Variants in NAALADL2 observed in about 807,000 individuals in gnomAD.
NAALADL2 encodes N-acetylated alpha-linked acidic dipeptidase like 2, also known as inactive N-acetylated-alpha-linked acidic dipeptidase-like protein 2.
A neutral mutation model predicts 87.2 loss-of-function variants in NAALADL2; 76 were observed. That is an observed-to-expected ratio of 0.87 (90% CI 0.72 to 1.05). NAALADL2 has a LOEUF of 1.05. NAALADL2 is among the 50% of genes least tolerant of loss of function. The pLI is 0.00. For synonymous variants in NAALADL2, 354 were observed against 331.0 expected (o/e 1.07, Z -0.75); for missense variants, 1,089 against 945.8 (o/e 1.15, Z -1.99).
chr3:175,777,384 C>CCTATGA (rs1415893955), intron 13 of NAALADL2, among the ~76,000 whole-genome samples: 5 of 151,874 alleles, frequency 3.3e-5, no homozygotes, highest in Non-Finnish European at 7.4e-5. Flanking sequence ...AATAATAGTA[C>CCTATGA]CTATGACATT....
chr3:175,431,795 T>G (rs936173175), intron 5 of NAALADL2, among the ~76,000 whole-genome samples: 1 of 152,082 alleles, frequency 6.6e-6, no homozygotes, highest in Non-Finnish European at 1.5e-5. Context: ...TTCTGACTCT[T>G]CTTTCCCTTC....
chr3:174,506,320 A>G (rs1338390490), intron 1 of NAALADL2, among the ~76,000 whole-genome samples: 8 of 151,638 alleles, frequency 5.3e-5, no homozygotes, highest in Admixed American at 5.3e-4. Flanking sequence ...AGCTGGGATT[A>G]CAGGCACCCA....
At chr3:174,933,817 A>C (rs568508981) in intron 1 of NAALADL2, among the ~76,000 whole-genome samples, 25 of 152,318 alleles carry the variant, frequency 1.6e-4, no homozygotes, top group African/African-American at 5.3e-4. Flanking sequence ...ATTGAGAGAT[A>C]TGGTCCCATT....
At chr3:174,585,545 T>C (rs1019823572) in intron 2 of NAALADL2, among the ~76,000 whole-genome samples, 1 of 152,208 alleles carries the variant, frequency 6.6e-6, no homozygotes, top group Non-Finnish European at 1.5e-5. Flanking sequence ...CATCCAAAGA[T>C]GTGGAGCTGT....
At chr3:175,793,597 G>A (rs1290585316) in intron 13 of NAALADL2, among the ~76,000 whole-genome samples, 1 of 151,912 alleles carries the variant, frequency 6.6e-6, no homozygotes, top group Admixed American at 6.5e-5. Flanking sequence ...TTACAGGCGT[G>A]AGCCACTGCA....
intron 5 of NAALADL2, among the ~76,000 whole-genome samples, chr3:175,422,618 A>C (rs2149126627): frequency 6.6e-6 from 1 of 152,220 alleles, no homozygotes; most frequent in South Asian, 2.1e-4. Context: ...TAAGCATTAA[A>C]CCAGAACGTG....
intron 11 of NAALADL2, among the ~76,000 whole-genome samples, chr3:175,692,149 A>G (rs1317311313): frequency 6.6e-6 from 1 of 152,102 alleles, no homozygotes; most frequent in Non-Finnish European, 1.5e-5. Context: ...CCTTCTGGTT[A>G]CATTTCTATG....
At chr3:175,317,595 A>C (rs1366359991) in intron 4 of NAALADL2, among the ~76,000 whole-genome samples, 4 of 152,030 alleles carry the variant, frequency 2.6e-5, no homozygotes, top group African/African-American at 9.7e-5. Context: ...CCAGTGTTTT[A>C]CTTTCAAAAA....
chr3:174,941,534 C>T (rs966604433), intron 1 of NAALADL2, among the ~76,000 whole-genome samples: 7 of 151,942 alleles, frequency 4.6e-5, no homozygotes, highest in African/African-American at 1.2e-4. Flanking sequence ...ATAGTGAGTT[C>T]GGGTCCTGAA....
At chr3:175,005,709 A>G (rs1304624571) in intron 1 of NAALADL2, among the ~76,000 whole-genome samples, 2 of 152,222 alleles carry the variant, frequency 1.3e-5, no homozygotes, top group Non-Finnish European at 2.9e-5. Context: ...TTAAACATCC[A>G]TCTGAGACAA....
At chr3:175,017,534 T>C (rs935952455) in intron 1 of NAALADL2, among the ~76,000 whole-genome samples, 39 of 152,074 alleles carry the variant, frequency 2.6e-4, no homozygotes, top group Non-Finnish European at 8.8e-5. Flanking sequence ...ATTGTCAGTG[T>C]GCCCTGGTTG....
chr3:174,681,797 C>T (rs1277143100), intron 2 of NAALADL2, among the ~76,000 whole-genome samples: 1 of 152,144 alleles, frequency 6.6e-6, no homozygotes, highest in Non-Finnish European at 1.5e-5. Context: ...AGCTTAGATA[C>T]CAGCTTGGCC....
intron 5 of NAALADL2, among the ~76,000 whole-genome samples, chr3:175,332,354 G>A (rs142562767): frequency 6.6e-5 from 10 of 152,238 alleles, no homozygotes; most frequent in South Asian, 2.1e-4. Context: ...GAAACAATAC[G>A]GTATTGGTAT....
At chr3:175,490,675 G>T (rs191494284) in intron 9 of NAALADL2, among the ~76,000 whole-genome samples, 298 of 151,890 alleles carry the variant, frequency 2.0e-3, no homozygotes, top group Non-Finnish European at 2.8e-3. Flanking sequence ...GATTACAGGC[G>T]TGAGCCACCG....
intron 5 of NAALADL2, among the ~76,000 whole-genome samples, chr3:175,439,330 T>G (rs532927493): frequency 6.6e-6 from 1 of 151,998 alleles, no homozygotes; most frequent in East Asian, 1.9e-4. Flanking sequence ...TTTTTTATAA[T>G]TACTTATTTT....
chr3:175,553,793 G>A (rs1714823944), intron 9 of NAALADL2, among the ~76,000 whole-genome samples: 1 of 151,624 alleles, frequency 6.6e-6, no homozygotes, highest in Admixed American at 6.6e-5. Flanking sequence ...TTTTAAGGAT[G>A]TTTATATTTA....
intron 2 of NAALADL2, among the ~76,000 whole-genome samples, chr3:175,192,432 C>T (rs1163357109): frequency 6.6e-6 from 1 of 152,024 alleles, no homozygotes; most frequent in Admixed American, 6.5e-5. Context: ...GTATTAGTTT[C>T]ATAGAAGGTC....
intron 3 of NAALADL2, among the ~76,000 whole-genome samples, chr3:174,787,585 AT>A (rs1560225476): frequency 4.3e-5 from 2 of 46,880 alleles, no homozygotes; most frequent in African/African-American, 1.6e-4. Flanking sequence ...TCATATATAT[AT>A]ATATATATAT....
At chr3:175,702,472 A>G (rs1739125674) in intron 11 of NAALADL2, among the ~76,000 whole-genome samples, 1 of 150,182 alleles carries the variant, frequency 6.7e-6, no homozygotes, top group Non-Finnish European at 1.5e-5. Context: ...GGGAAGACAG[A>G]AAAAAAAACT....
Sources: gnomAD v4.1 joint callset for allele counts (sites outside exome capture counted in the v4.1 genomes callset) on GRCh38, gnomAD v4.1.1 for gene constraint, MANE v1.5 for transcripts, NCBI Gene and HGNC (gene_info 2026-07-23, HGNC 2026-07-21) for gene names.